The following C8orf34 variants were observed in gnomAD, a reference collection of about 807,000 sequenced individuals.
The protein encoded by C8orf34 is chromosome 8 open reading frame 34.
A neutral mutation model predicts 68.3 loss-of-function variants in C8orf34; 65 were observed. The ratio of observed to expected loss-of-function variants is 0.95; its 90% CI spans 0.78 to 1.17. The LOEUF (loss-of-function observed/expected upper bound fraction) is 1.17. Ranked by LOEUF, C8orf34 falls within the 50% of genes most tolerant of loss-of-function variation. The probability of loss-of-function intolerance (pLI) is 0.00; values close to 1 mark genes in which losing one functional copy is unlikely to be tolerated. For synonymous variants in C8orf34, 244 were observed against 241.2 expected (o/e 1.01, Z -0.11); for missense variants, 664 against 655.4 (o/e 1.01, Z -0.14).
intron 10 of C8orf34, among the ~76,000 whole-genome samples, chr8:68,744,859 A>G (rs1368699459): frequency 5.3e-5 from 8 of 152,202 alleles, no homozygotes; most frequent in Non-Finnish European, 1.5e-5. Context: ...GCAGGCCAAC[A>G]TTCAGATTCA....
chr8:68,632,435 C>T (rs558931434), intron 7 of C8orf34, among the ~76,000 whole-genome samples: 30 of 152,238 alleles, frequency 2.0e-4, no homozygotes, highest in African/African-American at 7.0e-4. Flanking sequence ...TAAAGGGAAG[C>T]AGACCGTAAA....
chr8:68,417,436 C>T (rs1809725024), intron 1 of C8orf34, among the ~76,000 whole-genome samples: 1 of 151,754 alleles, frequency 6.6e-6, no homozygotes, highest in Non-Finnish European at 1.5e-5. Flanking sequence ...TGTACAGCAC[C>T]CAGGAGAATA....
chr8:68,725,534 T>A (rs1339393652), intron 10 of C8orf34, among the ~76,000 whole-genome samples: 1 of 152,262 alleles, frequency 6.6e-6, no homozygotes, highest in Non-Finnish European at 1.5e-5. Flanking sequence ...TGATATCACA[T>A]ATTTGTACAG....
intron 8 of C8orf34, among the ~76,000 whole-genome samples, chr8:68,675,749 T>C (rs1820167498): frequency 6.6e-6 from 1 of 152,156 alleles, no homozygotes; most frequent in African/African-American, 2.4e-5. Flanking sequence ...TACTTATCAA[T>C]AATAGCATTG....
intron 7 of C8orf34, among the ~76,000 whole-genome samples, chr8:68,589,592 G>GGAAT (rs1817314385): frequency 7.4e-6 from 1 of 134,414 alleles, no homozygotes; most frequent in African/African-American, 2.9e-5. Flanking sequence ...GAAGGATGAA[G>GGAAT]GAAGGAAGGA....
chr8:68,692,673 G>C (rs1820719682), intron 8 of C8orf34, among the ~76,000 whole-genome samples: 1 of 152,048 alleles, frequency 6.6e-6, no homozygotes, highest in Non-Finnish European at 1.5e-5. Flanking sequence ...ATCATCTCCA[G>C]AAAATAAGGA....
intron 1 of C8orf34, among the ~76,000 whole-genome samples, chr8:68,397,169 C>T (rs1359631444): frequency 6.6e-6 from 1 of 151,934 alleles, no homozygotes; most frequent in Non-Finnish European, 1.5e-5. Flanking sequence ...CCACACCTGA[C>T]TAACTTTTGT....
intron 3 of C8orf34, among the ~76,000 whole-genome samples, chr8:68,464,116 A>G (rs1473577985): frequency 6.6e-6 from 1 of 152,198 alleles, no homozygotes; most frequent in Non-Finnish European, 1.5e-5. Context: ...AAATCAATGT[A>G]CAAAAATCAC....
intron 7 of C8orf34, among the ~76,000 whole-genome samples, chr8:68,603,560 TC>T (rs1563555902): frequency 1.0e-5 from 1 of 99,820 alleles, no homozygotes; most frequent in Non-Finnish European, 1.9e-5. Context: ...TATCTATCTA[TC>T]TATCTATCTA....
At chr8:68,739,462 C>T (rs1168836501) in intron 10 of C8orf34, among the ~76,000 whole-genome samples, 6 of 151,774 alleles carry the variant, frequency 4.0e-5, no homozygotes, top group African/African-American at 1.2e-4. Flanking sequence ...AGGCAAGAGC[C>T]CAATCAGCAA....
intron 7 of C8orf34, among the ~76,000 whole-genome samples, chr8:68,634,169 T>C (rs1305877309): frequency 1.3e-5 from 2 of 152,316 alleles, no homozygotes; most frequent in Middle Eastern, 3.4e-3. Flanking sequence ...TCTGTCTCAA[T>C]TTTTTTGTCC....
chr8:68,487,676 A>G (rs1161933785), intron 4 of C8orf34, among the ~76,000 whole-genome samples: 1 of 152,200 alleles, frequency 6.6e-6, no homozygotes, highest in Non-Finnish European at 1.5e-5. Flanking sequence ...CAAAATAGTA[A>G]CAGGCTAAAT....
chr8:68,432,656 A>G (rs558820492), intron 1 of C8orf34, among the ~76,000 whole-genome samples: 1 of 152,256 alleles, frequency 6.6e-6, no homozygotes, highest in Admixed American at 6.5e-5. Flanking sequence ...TTGACTGGGA[A>G]TAAGATAAGT....
intron 9 of C8orf34, among the ~76,000 whole-genome samples, chr8:68,710,981 C>A (rs1012792653): frequency 7.2e-5 from 11 of 152,176 alleles, no homozygotes; most frequent in African/African-American, 2.7e-4. Flanking sequence ...GAAGACTGAT[C>A]ACATCACAGG....
chr8:68,430,337 G>A (rs1810403890), intron 1 of C8orf34, among the ~76,000 whole-genome samples: 1 of 152,036 alleles, frequency 6.6e-6, no homozygotes. Flanking sequence ...CTCTTTATCT[G>A]GATGTTCACT....
intron 1 of C8orf34, among the ~76,000 whole-genome samples, chr8:68,436,466 C>T (rs1248888709): frequency 6.6e-6 from 1 of 152,120 alleles, no homozygotes; most frequent in Non-Finnish European, 1.5e-5. Context: ...TCCCTGAGTA[C>T]TTAGTCTAAA....
At chr8:68,635,774 G>A (rs1043726607) in intron 7 of C8orf34, among the ~76,000 whole-genome samples, 3 of 152,106 alleles carry the variant, frequency 2.0e-5, no homozygotes, top group African/African-American at 7.2e-5. Flanking sequence ...ATGTTAAAAG[G>A]TTGTTATATT....
intron 7 of C8orf34, among the ~76,000 whole-genome samples, chr8:68,598,116 C>CCCAT (rs1290399440): frequency 6.6e-6 from 1 of 152,088 alleles, no homozygotes; most frequent in Non-Finnish European, 1.5e-5. Flanking sequence ...CTCACTCCTA[C>CCCAT]CCATATCAAT....
intron 7 of C8orf34, among the ~76,000 whole-genome samples, chr8:68,617,293 T>G (rs941346238): frequency 6.6e-6 from 1 of 152,196 alleles, no homozygotes; most frequent in Non-Finnish European, 1.5e-5. Context: ...ACATTTAAAG[T>G]TAATAGTGTT....
Sources: gnomAD v4.1 joint callset for allele counts (sites outside exome capture counted in the v4.1 genomes callset) on GRCh38, gnomAD v4.1.1 for gene constraint, MANE v1.5 for transcripts, NCBI Gene and HGNC (gene_info 2026-07-23, HGNC 2026-07-21) for gene names.